The following APP variants were observed in gnomAD, a reference collection of about 807,000 sequenced individuals.
APP encodes amyloid beta precursor protein.
In APP, 31 loss-of-function variants were observed where a neutral mutation model predicts 101.4. The ratio of observed to expected loss-of-function variants is 0.31; its 90% CI spans 0.23 to 0.41. The LOEUF (loss-of-function observed/expected upper bound fraction) is 0.41, where lower values mean the gene tolerates loss of function less well. APP is among the 10% of genes least tolerant of loss of function. APP has a pLI of 1.00. For synonymous variants in APP, 366 were observed against 364.4 expected, an observed-to-expected ratio of 1.00 and a Z score of -0.05; for missense variants, 839 against 1,003.7, an observed-to-expected ratio of 0.84 and a Z score of 2.22.
At chr21:26,090,310 T>A (rs1246936743) in intron 2 of APP, among the ~76,000 whole-genome samples, 1 of 152,210 alleles carries the variant, frequency 6.6e-6, no homozygotes, top group African/African-American at 2.4e-5. Flanking sequence ...CCAATGAGCA[T>A]TTCCTTTGAG....
chr21:26,061,344 G>A (rs776431337), intron 3 of APP, among the ~76,000 whole-genome samples: 1 of 152,170 alleles, frequency 6.6e-6, no homozygotes, highest in Non-Finnish European at 1.5e-5. Flanking sequence ...CACTAGATAT[G>A]TGTATATGAA....
chr21:26,156,000 CAAAAAA>C (rs757330872), intron 1 of APP, among the ~76,000 whole-genome samples: 14 of 90,170 alleles, frequency 1.6e-4, no homozygotes, highest in Non-Finnish European at 2.9e-4. Flanking sequence ...GACTTCGTCT[CAAAAAA>C]AAAAAAAAAA....
At chr21:25,889,068 C>CT (rs1420453844) in intron 17 of APP, among the ~76,000 whole-genome samples, 1 of 152,188 alleles carries the variant, frequency 6.6e-6, no homozygotes, top group Non-Finnish European at 1.5e-5. Flanking sequence ...GGAGGCCTTG[C>CT]TTTTATGCTC....
intron 6 of APP, among the ~76,000 whole-genome samples, chr21:26,019,810 C>T (rs754901268): frequency 6.6e-6 from 1 of 152,228 alleles, no homozygotes; most frequent in Non-Finnish European, 1.5e-5. Flanking sequence ...AAAAGCTGTC[C>T]TTCCCTGCTA....
chr21:25,928,875 C>G (rs1418980428), intron 13 of APP: 4 of 140,772 alleles, frequency 2.8e-5, no homozygotes. Context: ...GCGCGCATCA[C>G]TACGCCCGGC....
chr21:26,041,601 C>A (rs377452031), intron 5 of APP, among the ~76,000 whole-genome samples: 1 of 152,028 alleles, frequency 6.6e-6, no homozygotes, highest in Non-Finnish European at 1.5e-5. Context: ...ACTGGGGCAA[C>A]CTGTGCCATT....
chr21:25,900,943 G>A (rs1334574962), intron 15 of APP, among the ~76,000 whole-genome samples: 6 of 139,266 alleles, frequency 4.3e-5, no homozygotes, highest in Non-Finnish European at 7.5e-5. Flanking sequence ...GCCGAGATTC[G>A]TGCCACTGCA....
chr21:25,924,850 T>G (rs1020872320), intron 13 of APP, among the ~76,000 whole-genome samples: 36 of 152,158 alleles, frequency 2.4e-4, no homozygotes, highest in African/African-American at 7.0e-4. Context: ...TGGATTTTCT[T>G]CTGTCTAGGA....
intron 5 of APP, among the ~76,000 whole-genome samples, chr21:26,029,282 A>G (rs1157318109): frequency 1.3e-5 from 2 of 152,172 alleles, no homozygotes; most frequent in Non-Finnish European, 2.9e-5. Context: ...CAGGGAAAAC[A>G]TGAATGGATG....
chr21:26,072,897 A>C (rs2061433310), intron 3 of APP, among the ~76,000 whole-genome samples: 1 of 152,216 alleles, frequency 6.6e-6, no homozygotes, highest in African/African-American at 2.4e-5. Flanking sequence ...GGAATAACAG[A>C]CATATGCCAT....
intron 13 of APP, among the ~76,000 whole-genome samples, chr21:25,950,232 T>A (rs1238381392): frequency 6.6e-6 from 1 of 152,166 alleles, no homozygotes; most frequent in African/African-American, 2.4e-5. Flanking sequence ...CACTCATTAG[T>A]TGGTTACATG....
chr21:26,083,291 C>T (rs2061633803), intron 3 of APP, among the ~76,000 whole-genome samples: 2 of 152,114 alleles, frequency 1.3e-5, no homozygotes, highest in Admixed American at 1.3e-4. Context: ...AAGAAAACCA[C>T]CTAAATGACC....
At chr21:25,944,098 G>A (rs1368895100) in intron 13 of APP, among the ~76,000 whole-genome samples, 2 of 152,028 alleles carry the variant, frequency 1.3e-5, no homozygotes, top group Non-Finnish European at 2.9e-5. Context: ...TTGTTGCCAA[G>A]CACTGTTTCA....
intron 9 of APP, among the ~76,000 whole-genome samples, chr21:25,981,165 A>G (rs1030304299): frequency 6.6e-6 from 1 of 152,152 alleles, no homozygotes; most frequent in Non-Finnish European, 1.5e-5. Context: ...GGAGGGAGGA[A>G]TCTTCCTGGG....
intron 17 of APP, among the ~76,000 whole-genome samples, chr21:25,890,694 C>T (rs563622311): frequency 7.1e-5 from 10 of 141,474 alleles, no homozygotes; most frequent in African/African-American, 2.4e-4. Context: ...AGCCAAGATC[C>T]AGCCTGGGCA....
intron 1 of APP, among the ~76,000 whole-genome samples, chr21:26,126,708 TC>T (rs1462588819): frequency 1.3e-5 from 2 of 151,882 alleles, no homozygotes; most frequent in East Asian, 1.9e-4. Context: ...CTGTAGGCCC[TC>T]CCCCACCCAA....
At chr21:26,160,154 C>T (rs1452342050) in intron 1 of APP, among the ~76,000 whole-genome samples, 1 of 152,172 alleles carries the variant, frequency 6.6e-6, no homozygotes, top group Non-Finnish European at 1.5e-5. Flanking sequence ...CTCCCAGCTT[C>T]CCTCAGGAAT....
At position 26,048,085 on chromosome 21, in the gene APP, G is replaced by A. The variant is rs142046609; in HGVS notation, c.662+2915C>T. Among the ~76,000 whole-genome samples the A allele has an allele frequency of 6.0e-4, 92 of 152,204 alleles. 1 individual carries two copies. Among genetic ancestry groups the A allele is most frequent in the African/African-American group, 2.1e-3 (87 of 41,516 alleles). ...TAATCCCAGCACTTTGGGAGGCTGAGGTTGGTGGATGACGAGGTCAGGAGT... is the reference window on the plus strand; with the variant it reads ...TAATCCCAGCACTTTGGGAGGCTGAAGTTGGTGGATGACGAGGTCAGGAGT... On this transcript the variant is annotated intron_variant, in intron 5 of 17. Transcript: ENST00000346798.
intron 9 of APP, among the ~76,000 whole-genome samples, chr21:25,979,686 AT>A (rs1483707319): frequency 1.3e-5 from 2 of 152,334 alleles, no homozygotes; most frequent in African/African-American, 4.8e-5. Flanking sequence ...TAAAAGTTAA[AT>A]TATTATTTTA....
Sources: allele counts gnomAD v4.1 joint callset (sites outside exome capture counted in the v4.1 genomes callset), GRCh38; gene constraint gnomAD v4.1.1; transcripts MANE v1.5; gene names NCBI Gene and HGNC (gene_info 2026-07-23, HGNC 2026-07-21).